The following P2RY8 variants were observed in gnomAD, a reference collection of about 807,000 sequenced individuals.
P2RY8 encodes the protein S-geranylgeranyl-glutathione receptor P2RY8.
P2RY8 carries 6 observed loss-of-function variants against 10.0 expected under a neutral mutation model. The observed-to-expected ratio is 0.60, with a 90% CI of 0.33 to 1.19. P2RY8 has a LOEUF of 1.19. P2RY8 is among the 50% of genes most tolerant of loss of function. P2RY8 has a pLI of 0.04. For synonymous variants in P2RY8, 276 were observed against 252.5 expected, an observed-to-expected ratio of 1.09 and a Z score of -0.88; for missense variants, 456 against 542.0, an observed-to-expected ratio of 0.84 and a Z score of 1.58.
At chrX:1,524,450 T>TCCATCC (rs2092417246) in intron 1 of P2RY8, among the ~76,000 whole-genome samples, 1 of 28,062 alleles carries the variant, frequency 3.6e-5, no homozygotes. Context: ...TTCATCCATC[T>TCCATCC]ATCCATCCAT....
intron 1 of P2RY8, among the ~76,000 whole-genome samples, chrX:1,483,370 C>A (rs1292666541): frequency 6.6e-6 from 1 of 151,860 alleles, no homozygotes; most frequent in Non-Finnish European, 1.5e-5. Flanking sequence ...CGTGGTGGCT[C>A]ATGCCTGTAA....
At chrX:1,524,312 G>A (rs1364966826) in intron 1 of P2RY8, among the ~76,000 whole-genome samples, 4 of 151,526 alleles carry the variant, frequency 2.6e-5, no homozygotes, top group Non-Finnish European at 5.9e-5. Context: ...TCATTCATCC[G>A]CTCATTCATT....
At chrX:1,504,182 T>C (rs1432176259) in intron 1 of P2RY8, among the ~76,000 whole-genome samples, 22 of 146,284 alleles carry the variant, frequency 1.5e-4, no homozygotes, top group African/African-American at 5.1e-4. Flanking sequence ...TGGGCGTAGT[T>C]GCAGGCGCCT....
rs28505892 is a variant in P2RY8 at position 1,534,630 on chromosome X, G to A, written c.-25+2291C>T. On this transcript the variant is annotated intron_variant, in intron 1 of 1. Transcript: ENST00000381297. ...CTGGGGGAGGGAGGTTGGGGACCAT[G>A]CCCAGACACAGCCAATGAGGAGGTC... Among the ~76,000 whole-genome samples the A allele has an allele frequency of 7.5e-3, 1,145 of 152,150 alleles. 33 individuals are homozygous for A. The highest frequency in any genetic ancestry group is 0.053 in the Admixed American group (801 of 15,250).
intron 1 of P2RY8, among the ~76,000 whole-genome samples, chrX:1,523,527 A>T (rs765004489): frequency 1.9e-4 from 29 of 152,186 alleles, no homozygotes; most frequent in African/African-American, 6.7e-4. Flanking sequence ...TGCCAGAGGG[A>T]GGAGGGAAGG....
At chrX:1,486,975 C>A (rs2091991808) in intron 1 of P2RY8, among the ~76,000 whole-genome samples, 1 of 152,242 alleles carries the variant, frequency 6.6e-6, no homozygotes. Context: ...GGCCGAGCTT[C>A]CGCTTTTGGG....
intron 1 of P2RY8, among the ~76,000 whole-genome samples, chrX:1,532,398 A>G (rs2092482828): frequency 7.8e-6 from 1 of 128,834 alleles, no homozygotes; most frequent in East Asian, 2.0e-4. Flanking sequence ...ATGCACATAT[A>G]TGTATATATG....
At chrX:1,499,147 TTTTTCTTTTTC>T (rs1467001299) in intron 1 of P2RY8, among the ~76,000 whole-genome samples, 1 of 142,198 alleles carries the variant, frequency 7.0e-6, no homozygotes, top group Non-Finnish European at 1.5e-5. Context: ...GTTTTTTTTC[TTTTTCTTTTTC>T]TTTTCTTTTT....
intron 1 of P2RY8, among the ~76,000 whole-genome samples, chrX:1,498,256 A>AG (rs1442400693): frequency 1.2e-4 from 18 of 151,476 alleles, no homozygotes; most frequent in African/African-American, 4.4e-4. Context: ...AACACAAAAA[A>AG]TTAGCCGGGT....
chrX:1,473,923 A>T (rs2091837793), intron 1 of P2RY8, among the ~76,000 whole-genome samples: 1 of 145,788 alleles, frequency 6.9e-6, no homozygotes, highest in Admixed American at 6.8e-5. Context: ...GGATGTATAG[A>T]TGAGTAGGTG....
intron 1 of P2RY8, among the ~76,000 whole-genome samples, chrX:1,529,989 C>A (rs73186978): frequency 0.069 from 10,540 of 151,912 alleles, 514 homozygotes; most frequent in Non-Finnish European, 0.1. Context: ...GATGGCCCCA[C>A]CACAGAGAAT....
intron 1 of P2RY8, among the ~76,000 whole-genome samples, chrX:1,501,015 G>A (rs2092173513): frequency 6.6e-6 from 1 of 152,154 alleles, no homozygotes; most frequent in South Asian, 2.1e-4. Flanking sequence ...GAATCTCTCG[G>A]TTCTGTCCTG....
intron 1 of P2RY8, among the ~76,000 whole-genome samples, chrX:1,473,815 AGTGG>A (rs1298218910): frequency 9.5e-6 from 1 of 105,726 alleles, no homozygotes. Context: ...TGAATGGGTG[AGTGG>A]GTGGGTGGGT....
chrX:1,470,302 A>C (rs373660122), intron 1 of P2RY8, among the ~76,000 whole-genome samples: 322 of 152,272 alleles, frequency 2.1e-3, no homozygotes, highest in African/African-American at 7.1e-3. Context: ...ACCTGAGGTC[A>C]GGAGTTCAAG....
rs1314540609 is a variant in P2RY8, at chrX:1,496,484, C to T, written c.-24-29902G>A. ...CTCTCAGAGGGTTTCTCTCTCTCTCCGCTCAGTTCACAGGAAGCAACTTGT... is the reference window on the plus strand; with the variant it reads ...CTCTCAGAGGGTTTCTCTCTCTCTCTGCTCAGTTCACAGGAAGCAACTTGT... On this transcript the variant is annotated intron_variant, in intron 1 of 1. Transcript: ENST00000381297. 3.9e-5 allele frequency among the ~76,000 whole-genome samples: 6 copies of T among 152,200 alleles called. 1 individual carries two copies. In the East Asian group the frequency reaches 5.8e-4, roughly 15 times the overall value.
At chrX:1,475,123 G>T (rs2091861020) in intron 1 of P2RY8, among the ~76,000 whole-genome samples, 1 of 121,908 alleles carries the variant, frequency 8.2e-6, no homozygotes, top group Admixed American at 8.8e-5. Context: ...GGGTGGGTGG[G>T]TGGATGGATG....
At position 1,526,051 on chromosome X, in the gene P2RY8, C is replaced by A. The variant is rs371249438; in HGVS notation, c.-25+10870G>T. Among the ~76,000 whole-genome samples the A allele has an allele frequency of 1.4e-4, 22 of 152,170 alleles. 1 individual carries two copies. Among genetic ancestry groups the A allele is most frequent in the African/African-American group, 4.1e-4 (17 of 41,512 alleles). On this transcript the variant is annotated intron_variant, in intron 1 of 1. Transcript: ENST00000381297. ...TTCCTTATCCAGCCGCTCATCCATC[C>A]ATCTATTCATCCATCCATCCATCTA... is the stretch of plus-strand genomic sequence containing the variant.
intron 1 of P2RY8, among the ~76,000 whole-genome samples, chrX:1,503,983 A>G (rs750017833): frequency 4.5e-4 from 68 of 152,286 alleles, no homozygotes; most frequent in African/African-American, 1.4e-3. Flanking sequence ...TTTACAGGCA[A>G]TTATCCACTT....
At chrX:1,523,036 T>A (rs1361888337) in intron 1 of P2RY8, among the ~76,000 whole-genome samples, 1 of 149,652 alleles carries the variant, frequency 6.7e-6, no homozygotes, top group Non-Finnish European at 1.5e-5. Context: ...ACTACTGCAC[T>A]CCAGCCTGGG....
Sources: allele counts gnomAD v4.1 joint callset (sites outside exome capture counted in the v4.1 genomes callset), GRCh38; gene constraint gnomAD v4.1.1; transcripts MANE v1.5; gene names NCBI Gene and HGNC (gene_info 2026-07-23, HGNC 2026-07-21).